ADD2: variants seen among roughly 807,000 people sequenced by gnomAD.
The protein encoded by ADD2 is adducin 2, also known as beta-adducin.
A neutral mutation model predicts 83.0 loss-of-function variants in ADD2; 23 were observed. The ratio of observed to expected loss-of-function variants is 0.28; its 90% CI spans 0.20 to 0.39. The LOEUF (loss-of-function observed/expected upper bound fraction) is 0.39. Among genes scored for constraint, ADD2 ranks in the 10% least tolerant of loss-of-function variants. The probability of loss-of-function intolerance (pLI) is 1.00; values close to 1 mark genes in which losing one functional copy is unlikely to be tolerated. For synonymous variants in ADD2, 375 were observed against 375.4 expected, an observed-to-expected ratio of 1.00 and a Z score of 0.01; for missense variants, 758 against 944.9, an observed-to-expected ratio of 0.80 and a Z score of 2.59.
At chr2:70,707,807 C>T (rs1415337413) in intron 2 of ADD2, among the ~76,000 whole-genome samples, 1 of 152,242 alleles carries the variant, frequency 6.6e-6, no homozygotes, top group Non-Finnish European at 1.5e-5. Flanking sequence ...ACCTGCCACT[C>T]CCTTGCTTTA....
intron 1 of ADD2, among the ~76,000 whole-genome samples, chr2:70,760,277 C>T (rs1423635482): frequency 2.0e-5 from 3 of 152,142 alleles, no homozygotes; most frequent in Admixed American, 1.3e-4. Context: ...CACATGCATA[C>T]GTCTGCCTCT....
chr2:70,674,701 T>A lies in ADD2; in HGVS notation c.1718A>T (p.Glu573Val). The change falls in exon 14 of 16, where the codon GAG becomes GTG. Residue 573 changes from glutamate (E) to valine (V), a missense_variant. Around this residue, in one of 5 missense-constraint regions of ADD2, gnomAD observed 14 missense variants for 36.2 expected, o/e 0.39. Transcript: ENST00000264436. ...QELEEYKKEV[E>V]RKKLELDGEK... ...ACCATCAAGTTCTAGTTTCTTCCTC[T>A]CCACCTCTTTCTTGTACTCCTCCAA... The A allele has an allele frequency of 6.2e-7, 1 of 1,614,040 alleles. No homozygotes were observed. The highest frequency in any genetic ancestry group is 8.5e-7 in the Non-Finnish European group (1 of 1,179,988).
chr2:70,764,361 C>T (rs782049309), intron 1 of ADD2, among the ~76,000 whole-genome samples: 1 of 151,962 alleles, frequency 6.6e-6, no homozygotes, highest in East Asian at 1.9e-4. Flanking sequence ...GATGAACTGG[C>T]GTGAGATCTT....
Position 70,738,522 on chromosome 2 carries a change from G to A in ADD2, c.-153-25338C>T, listed in dbSNP as rs557306768. ...CTGCCTGCCTCCTAGCTCAGGGTCT[G>A]TACCCTCCAGAAAAGTGAGCAACCT... On this transcript the variant is annotated intron_variant, in intron 1 of 15. Coordinates refer to ENST00000264436, the MANE Select transcript of ADD2 (RefSeq NM_001617.4). 7.9e-5 allele frequency among the ~76,000 whole-genome samples: 12 copies of A among 152,284 alleles called. No individual in the cohort carries two copies. In the East Asian group the frequency reaches 2.1e-3, roughly 27 times the overall value.
In ADD2 at chr2:70,699,775, G is replaced by A. The variant is rs1341897709; in HGVS notation, c.323-3379C>T. ...AGCCTAGGAGACAGGGCAAGATCCT[G>A]TCTCAAAAACAAAACAAAAAAAACC... On this transcript the variant is annotated intron_variant, in intron 4 of 15. Coordinates refer to ENST00000264436, the MANE Select transcript of ADD2 (RefSeq NM_001617.4). Among the ~76,000 whole-genome samples, 3 of 151,612 alleles carry A rather than the reference G, an allele frequency of 2.0e-5. 1 individual carries two copies. Among genetic ancestry groups the A allele is most frequent in the Admixed American group, 6.6e-5 (1 of 15,256 alleles).
At position 70,705,040 on chromosome 2, in the gene ADD2, G is replaced by A. The variant is rs79094194; in HGVS notation, c.184-581C>T. Among the ~76,000 whole-genome samples the A allele has an allele frequency of 8.4e-4, 128 of 152,186 alleles. 1 individual carries two copies. The East Asian group carries it at 0.022, about 27-fold the overall frequency. ...AGAAAACACTCAGGAGGAAATGGGG[G>A]GCCACTTAGGTGTGTTGGCCAACCT... is the stretch of plus-strand genomic sequence containing the variant. On this transcript the variant is annotated intron_variant, in intron 3 of 15. Transcript: ENST00000264436.
At chr2:70,720,440 G>T (rs1672679413) in intron 1 of ADD2, among the ~76,000 whole-genome samples, 1 of 152,130 alleles carries the variant, frequency 6.6e-6, no homozygotes, top group Non-Finnish European at 1.5e-5. Flanking sequence ...TTAAGAACAG[G>T]ATGGCAAAAA....
chr2:70,735,084 A>T (rs183800765), intron 1 of ADD2, among the ~76,000 whole-genome samples: 233 of 152,188 alleles, frequency 1.5e-3, no homozygotes, highest in African/African-American at 4.9e-3. Context: ...TATTAGTTCG[A>T]TTTTCACTTT....
intron 9 of ADD2, among the ~76,000 whole-genome samples, chr2:70,684,564 T>A (rs1348769698): frequency 3.9e-5 from 6 of 152,212 alleles, no homozygotes; most frequent in Non-Finnish European, 7.3e-5. Context: ...TATATTTTTT[T>A]AAAAGTCACT....
In ADD2 at chr2:70,687,842, C is replaced by T. The variant is rs1196562881; in HGVS notation, c.948+182G>A. Reference sequence around the variant, plus strand: ...TGATGCATTTTTCAAAGCCACAGAACTAATCCTAAGTGTGAAACTTTAGAA... The same window carrying T: ...TGATGCATTTTTCAAAGCCACAGAATTAATCCTAAGTGTGAAACTTTAGAA... On this transcript the variant is annotated intron_variant, in intron 9 of 15. Coordinates refer to ENST00000264436, the MANE Select transcript of ADD2 (RefSeq NM_001617.4). Among the ~76,000 whole-genome samples, 3 of 152,234 alleles carry T rather than the reference C, an allele frequency of 2.0e-5. No homozygotes were observed. The East Asian group carries it at 5.8e-4, about 29-fold the overall frequency.
chr2:70,724,496 C>T (rs3771435), intron 1 of ADD2, among the ~76,000 whole-genome samples: 40,540 of 152,080 alleles, frequency 0.27, 6,424 homozygotes, highest in African/African-American at 0.45. Context: ...CACTGCTCCC[C>T]GACACACACT....
intron 10 of ADD2, among the ~76,000 whole-genome samples, 191 bp downstream of exon 10, chr2:70,683,400 C>G (rs1553369899): frequency 2.0e-5 from 3 of 152,130 alleles, no homozygotes; most frequent in African/African-American, 7.2e-5. Flanking sequence ...GTGGCAAAGT[C>G]CACAGTTTAC....
At chr2:70,667,932 G>T (rs553652615) in intron 15 of ADD2, among the ~76,000 whole-genome samples, 18 of 152,250 alleles carry the variant, frequency 1.2e-4, no homozygotes, top group South Asian at 8.3e-4. Flanking sequence ...ATTAGCATTT[G>T]AATCAGTAGT....
chr2:70,694,777 C>T (rs1307161378), intron 6 of ADD2, among the ~76,000 whole-genome samples: 1 of 152,122 alleles, frequency 6.6e-6, no homozygotes, highest in African/African-American at 2.4e-5. Flanking sequence ...GTAGGGTGCC[C>T]CTTTCCAGGC....
intron 15 of ADD2, among the ~76,000 whole-genome samples, chr2:70,670,348 G>A (rs1415751794): frequency 1.3e-5 from 2 of 152,238 alleles, no homozygotes; most frequent in Non-Finnish European, 2.9e-5. Context: ...ATCCAGCAGT[G>A]TTTTTAAATG....
At chr2:70,737,836 G>A (rs1673663936) in intron 1 of ADD2, among the ~76,000 whole-genome samples, 1 of 152,114 alleles carries the variant, frequency 6.6e-6, no homozygotes, top group South Asian at 2.1e-4. Flanking sequence ...TTGTGATTCA[G>A]CTTCTCACAT....
chr2:70,756,386 T>G (rs1674792004), intron 1 of ADD2, among the ~76,000 whole-genome samples: 1 of 152,184 alleles, frequency 6.6e-6, no homozygotes, highest in African/African-American at 2.4e-5. Context: ...TGTGGGTCAC[T>G]TACGGAGCCC....
chr2:70,671,417 G>A (rs1235698746), intron 15 of ADD2, among the ~76,000 whole-genome samples: 2 of 152,066 alleles, frequency 1.3e-5, no homozygotes, highest in African/African-American at 4.8e-5. Flanking sequence ...AATTGGCCAT[G>A]AATTTTACAG....
intron 1 of ADD2, among the ~76,000 whole-genome samples, chr2:70,750,195 CT>C (rs1553382708): frequency 1.3e-5 from 2 of 152,188 alleles, no homozygotes; most frequent in African/African-American, 4.8e-5. Context: ...GGAAACAATG[CT>C]CCAAGTGTGC....
Sources: gnomAD v4.1 joint callset for allele counts (sites outside exome capture counted in the v4.1 genomes callset) on GRCh38, gnomAD v4.1.1 for gene constraint, gnomAD v4.1.1 regional missense constraint, MANE v1.5 for transcripts, NCBI Gene and HGNC (gene_info 2026-07-23, HGNC 2026-07-21) for gene names.